Variants in SMYD3 observed in about 807,000 individuals in gnomAD.
SMYD3 encodes SET and MYND domain containing 3.
In SMYD3, 36 loss-of-function variants were observed where a neutral mutation model predicts 57.7. That is an observed-to-expected ratio of 0.62 (90% confidence interval 0.48 to 0.82). The LOEUF (loss-of-function observed/expected upper bound fraction) is 0.82, where lower values mean the gene tolerates loss of function less well. Among genes scored for constraint, SMYD3 ranks in the 40% least tolerant of loss-of-function variants. SMYD3 has a pLI of 0.00. For synonymous variants in SMYD3, 211 were observed against 195.0 expected (o/e 1.08, Z -0.68); for missense variants, 515 against 538.8 (o/e 0.96, Z 0.44).
At chr1:246,078,756 G>A (rs2060588054) in intron 5 of SMYD3, among the ~76,000 whole-genome samples, 1 of 152,190 alleles carries the variant, frequency 6.6e-6, no homozygotes, top group African/African-American at 2.4e-5. Context: ...AGCTAAAAGA[G>A]AACAGGAAGC....
intron 5 of SMYD3, among the ~76,000 whole-genome samples, chr1:246,112,169 A>G (rs1276063953): frequency 1.3e-5 from 2 of 152,176 alleles, no homozygotes; most frequent in African/African-American, 4.8e-5. Flanking sequence ...CTTATTTTCA[A>G]AAGAGGAAGG....
intron 5 of SMYD3, among the ~76,000 whole-genome samples, chr1:246,000,024 G>A (rs2059010564): frequency 6.6e-6 from 1 of 152,184 alleles, no homozygotes; most frequent in Non-Finnish European, 1.5e-5. Flanking sequence ...GGTTAAGAAA[G>A]CTAAATGAGA....
At chr1:246,493,707 T>G (rs2068307135) in intron 1 of SMYD3, among the ~76,000 whole-genome samples, 1 of 151,514 alleles carries the variant, frequency 6.6e-6, no homozygotes, top group South Asian at 2.1e-4. Context: ...CACAGAGCAC[T>G]ACTGTCACCA....
intron 1 of SMYD3, among the ~76,000 whole-genome samples, chr1:246,482,891 G>A (rs1224572346): frequency 1.3e-5 from 2 of 152,066 alleles, no homozygotes; most frequent in African/African-American, 2.4e-5. Flanking sequence ...CCACAGACAA[G>A]GGCAGACCAA....
At chr1:246,255,925 A>AT in intron 5 of SMYD3, among the ~76,000 whole-genome samples, 1 of 115,400 alleles carries the variant, frequency 8.7e-6, no homozygotes, top group Admixed American at 1.0e-4. Context: ...GACATAACTA[A>AT]TAAGATAGAT....
chr1:246,143,417 C>T (rs1191929033), intron 5 of SMYD3, among the ~76,000 whole-genome samples: 1 of 152,136 alleles, frequency 6.6e-6, no homozygotes, highest in African/African-American at 2.4e-5. Context: ...GTGCTCACAC[C>T]TGTAATCCCA....
chr1:246,339,348 A>G (rs1183584508), intron 2 of SMYD3, among the ~76,000 whole-genome samples: 2 of 152,188 alleles, frequency 1.3e-5, no homozygotes, highest in African/African-American at 4.8e-5. Context: ...TTATTTTATC[A>G]TAGGTTTTAA....
chr1:245,794,812 T>G (rs2047451706), intron 10 of SMYD3, among the ~76,000 whole-genome samples: 1 of 152,252 alleles, frequency 6.6e-6, no homozygotes, highest in African/African-American at 2.4e-5. Context: ...TTTTCATTTC[T>G]GAGATTTCTG....
In SMYD3 at chr1:245,911,495, C is replaced by T. The variant is rs546494356; in HGVS notation, c.813+4035G>A. Among the ~76,000 whole-genome samples the T allele has an allele frequency of 2.3e-5, 3 of 132,548 alleles. No homozygotes were observed. In the East Asian group the frequency reaches 8.7e-4, roughly 39 times the overall value. 87.0% of individuals were successfully genotyped at this position (132,548 alleles called of 152,430 possible). ...CCATCAATAAGTAAAAAAAAAAATG[C>T]CATATATATATATATACACACACAT... On this transcript the variant is annotated intron_variant, in intron 8 of 11. Transcript: ENST00000490107.
At chr1:245,896,968 G>T (rs2053856188) in intron 8 of SMYD3, among the ~76,000 whole-genome samples, 1 of 152,186 alleles carries the variant, frequency 6.6e-6, no homozygotes, top group Non-Finnish European at 1.5e-5. Flanking sequence ...AGAACACTGA[G>T]TGAAATGCAA....
chr1:246,362,413 C>T (rs1558424178), intron 1 of SMYD3, among the ~76,000 whole-genome samples: 1 of 149,172 alleles, frequency 6.7e-6, no homozygotes, highest in East Asian at 2.1e-4. Context: ...ATAGCTCTCC[C>T]TCTCCCTCTC....
chr1:246,062,808 AT>A (rs1392455810), intron 5 of SMYD3, among the ~76,000 whole-genome samples: 1 of 152,196 alleles, frequency 6.6e-6, no homozygotes, highest in Non-Finnish European at 1.5e-5. Flanking sequence ...GAATGAATTA[AT>A]TAATGAGCGA....
At chr1:245,853,433 C>T (rs1481245323) in intron 10 of SMYD3, among the ~76,000 whole-genome samples, 1 of 151,932 alleles carries the variant, frequency 6.6e-6, no homozygotes, top group Non-Finnish European at 1.5e-5. Flanking sequence ...GCATCGAACG[C>T]GCGCTCAGGT....
intron 5 of SMYD3, among the ~76,000 whole-genome samples, chr1:246,180,267 A>G (rs1218868322): frequency 2.0e-5 from 3 of 147,394 alleles, no homozygotes; most frequent in Non-Finnish European, 4.5e-5. Flanking sequence ...CTCTCTATAT[A>G]TATGTGTATA....
intron 10 of SMYD3, among the ~76,000 whole-genome samples, chr1:245,815,268 T>G (rs1050043648): frequency 6.6e-6 from 1 of 152,232 alleles, no homozygotes; most frequent in East Asian, 1.9e-4. Flanking sequence ...TGGAACGTGA[T>G]AGTGGCAGAG....
intron 5 of SMYD3, among the ~76,000 whole-genome samples, chr1:246,310,732 C>T (rs576362045): frequency 4.2e-5 from 6 of 142,510 alleles, no homozygotes; most frequent in South Asian, 2.2e-4. Flanking sequence ...TGCAGTGGCG[C>T]GATCTTGGCT....
At chr1:246,295,355 G>A (rs1045745130) in intron 5 of SMYD3, among the ~76,000 whole-genome samples, 1 of 152,184 alleles carries the variant, frequency 6.6e-6, no homozygotes. Flanking sequence ...GATAGTAGCC[G>A]AGGAGTTGAT....
At chr1:246,004,154 G>C (rs2148165691) in intron 5 of SMYD3, among the ~76,000 whole-genome samples, 1 of 152,356 alleles carries the variant, frequency 6.6e-6, no homozygotes, top group Non-Finnish European at 1.5e-5. Flanking sequence ...AAAATGGCCA[G>C]CACAGTGCTA....
At chr1:245,871,177 T>C (rs1483977117) in intron 8 of SMYD3, among the ~76,000 whole-genome samples, 1 of 152,252 alleles carries the variant, frequency 6.6e-6, no homozygotes, top group African/African-American at 2.4e-5. Flanking sequence ...TCAAATACAG[T>C]GTCTGCACTC....
Sources: gnomAD v4.1 joint callset for allele counts (sites outside exome capture counted in the v4.1 genomes callset) on GRCh38, gnomAD v4.1.1 for gene constraint, MANE v1.5 for transcripts, NCBI Gene and HGNC (gene_info 2026-07-23, HGNC 2026-07-21) for gene names.